The following MYBL2 variants were observed in gnomAD, a reference collection of about 807,000 sequenced individuals.
The protein encoded by MYBL2 is myb-related protein B.
In MYBL2, 28 loss-of-function variants were observed where a neutral mutation model predicts 79.9. The observed-to-expected ratio is 0.35, with a 90% CI of 0.26 to 0.48. MYBL2 has a LOEUF of 0.48. MYBL2 is among the 20% of genes least tolerant of loss of function. The pLI is 0.99. For synonymous variants in MYBL2, 378 were observed against 361.2 expected (o/e 1.05, Z -0.53); for missense variants, 735 against 893.9 (o/e 0.82, Z 2.27).
Position 43,667,177 on chromosome 20 carries a change from C to G in MYBL2, c.-107C>G. 1.4e-6 allele frequency: 1 copy of G among 734,430 alleles called. No homozygotes were observed. Among genetic ancestry groups the G allele is most frequent in the Non-Finnish European group, 1.8e-6 (1 of 560,904 alleles). The allele number at this position is 734,430 out of a possible 1,614,324, so 45.5% of individuals were successfully genotyped here. On this transcript the variant is annotated 5_prime_UTR_variant, in exon 1 of 14. Coordinates refer to ENST00000217026, the MANE Select transcript of MYBL2 (RefSeq NM_002466.4). Reference sequence around the variant, plus strand: ...GACACGCTGACGCCTTCGAGCGCGGCCCGGGGCCCGGAGCGGCCGGAGCAG... The same window carrying G: ...GACACGCTGACGCCTTCGAGCGCGGGCCGGGGCCCGGAGCGGCCGGAGCAG...
intron 1 of MYBL2, among the ~76,000 whole-genome samples, chr20:43,671,839 CT>C (rs1986865283): frequency 6.6e-6 from 1 of 150,834 alleles, no homozygotes; most frequent in African/African-American, 2.4e-5. Context: ...GGAAGATTGC[CT>C]TGTAGAGTAA....
chr20:43,715,877 A>G lies in MYBL2; in HGVS notation c.1975-82A>G, dbSNP rs759167703. On this transcript the variant is annotated intron_variant, in intron 13 of 13. Transcript: ENST00000217026. The stretch of plus-strand genomic sequence containing the variant: ...CTAGGGGAGGGAGGCTTATAACTCT[A>G]CCCTTCCCTGGCCAGGATCACCAGG... 13 of 1,499,084 alleles carry G rather than the reference A, an allele frequency of 8.7e-6. No individual in the cohort carries two copies. The Admixed American group carries it at 1.3e-4, about 15-fold the overall frequency. 92.9% of individuals were successfully genotyped at this position (1,499,084 alleles called of 1,614,324 possible).
chr20:43,674,006 C>T (rs1039489571), intron 2 of MYBL2, 107 bp downstream of exon 2: 78 of 995,228 alleles, frequency 7.8e-5, no homozygotes, highest in African/African-American at 8.1e-5. Flanking sequence ...GAGGAGGAGC[C>T]GGTGAAGGAA....
At chr20:43,695,538 C>T (rs1987516348) in intron 6 of MYBL2, among the ~76,000 whole-genome samples, 1 of 152,154 alleles carries the variant, frequency 6.6e-6, no homozygotes, top group Admixed American at 6.6e-5. Flanking sequence ...TAGAGATGGA[C>T]AAATATATTT....
Position 43,715,266 on chromosome 20 carries a change from T to C in MYBL2, c.1957T>C (p.Phe653Leu), listed in dbSNP as rs1177421488. 1.9e-6 allele frequency: 3 copies of C among 1,614,210 alleles called. No homozygotes were observed. The highest frequency in any genetic ancestry group is 1.1e-5 in the South Asian group (1 of 91,078). ...AGTGGCCCAGAAGCCCCGAAGCCACTTCACGACACCTGCCCCTGTGAGTGC... is the reference window on the plus strand; with the variant it reads ...AGTGGCCCAGAAGCCCCGAAGCCACCTCACGACACCTGCCCCTGTGAGTGC... ...AAVAQKPRSHFTTPAPMSSAW... is the reference protein window; with the variant it reads ...AAVAQKPRSHLTTPAPMSSAW... The change falls in exon 13 of 14, where the codon TTC (phenylalanine) becomes CTC (leucine). Residue 653 changes from phenylalanine to leucine, a missense_variant. Phe to Leu is a conservative substitution (Grantham distance 22). Transcript: ENST00000217026.
At chr20:43,680,897 G>C (rs1987126831) in intron 2 of MYBL2, among the ~76,000 whole-genome samples, 1 of 152,128 alleles carries the variant, frequency 6.6e-6, no homozygotes, top group South Asian at 2.1e-4. Flanking sequence ...GCACAGCCGG[G>C]CTATAGGACA....
chr20:43,702,847 A>G lies in MYBL2; in HGVS notation c.1309A>G (p.Asn437Asp), dbSNP rs1325560725. The G allele has an allele frequency of 6.2e-7, 1 of 1,612,752 alleles. No individual in the cohort carries two copies. The highest frequency in any genetic ancestry group is 1.3e-5 in the African/African-American group (1 of 75,028). ...STSLSFLDSC[N>D]SLTPKSTPVK... The stretch of plus-strand genomic sequence containing the variant: ...CAGTCTGTCCTTCCTGGATTCCTGT[A>G]ACAGCCTCACGCCCAAGAGCACACC... The change falls in exon 8 of 14, where the codon AAC becomes GAC. Residue 437 changes from asparagine (N) to aspartate (D), a missense_variant. Physicochemically the swap from Asn to Asp is conservative, Grantham distance 23. Transcript: ENST00000217026.
chr20:43,685,991 C>A (rs866435826), intron 4 of MYBL2, among the ~76,000 whole-genome samples: 28 of 152,070 alleles, frequency 1.8e-4, no homozygotes, highest in African/African-American at 6.8e-4. Flanking sequence ...GAGCCAAGAT[C>A]GTGCCATTGC....
chr20:43,711,413 G>A, intron 10 of MYBL2, 75 bp from the exon 11 acceptor site: 1 of 1,161,806 alleles, frequency 8.6e-7, no homozygotes, highest in Non-Finnish European at 1.2e-6. Context: ...GTTGCAGCTG[G>A]GTTGGTCCCA....
At chr20:43,680,943 T>C in intron 2 of MYBL2, among the ~76,000 whole-genome samples, 1 of 152,172 alleles carries the variant, frequency 6.6e-6, no homozygotes, top group East Asian at 1.9e-4. Context: ...TGCCCCCCTT[T>C]GCTGTTCATC....
intron 4 of MYBL2, among the ~76,000 whole-genome samples, chr20:43,684,633 C>G (rs1256304373): frequency 6.6e-6 from 1 of 151,478 alleles, no homozygotes; most frequent in Non-Finnish European, 1.5e-5. Flanking sequence ...GCCTTGGCCT[C>G]CCAAAGTTCT....
intron 4 of MYBL2, among the ~76,000 whole-genome samples, chr20:43,684,978 C>T (rs1396494542): frequency 6.6e-6 from 1 of 151,394 alleles, no homozygotes; most frequent in Admixed American, 6.6e-5. Context: ...GAAACCCCGT[C>T]TCTACTAAAA....
intron 4 of MYBL2, 81 bp downstream of exon 4, chr20:43,682,967 G>A: frequency 3.0e-6 from 4 of 1,347,278 alleles, no homozygotes; most frequent in Non-Finnish European, 3.2e-6. Context: ...GCCTTGTGTT[G>A]GGGTTGGGGG....
At chr20:43,698,126 A>G (rs1410676496) in intron 6 of MYBL2, among the ~76,000 whole-genome samples, 5 of 126,506 alleles carry the variant, frequency 4.0e-5, no homozygotes, top group Non-Finnish European at 6.6e-5. Context: ...TAAGGATGCT[A>G]CTCCTTTATC....
chr20:43,687,983 G>T (rs1343541070), intron 5 of MYBL2, among the ~76,000 whole-genome samples: 2 of 141,766 alleles, frequency 1.4e-5, no homozygotes, highest in African/African-American at 2.6e-5. Context: ...CTGCACTCCA[G>T]CCTGGGCGAC....
chr20:43,692,576 G>T (rs558775758), intron 6 of MYBL2, among the ~76,000 whole-genome samples: 1 of 152,252 alleles, frequency 6.6e-6, no homozygotes, highest in South Asian at 2.1e-4. Context: ...CTCCTTGCTG[G>T]TGGCCACCTT....
chr20:43,670,969 CT>C (rs1173103459), intron 1 of MYBL2, among the ~76,000 whole-genome samples: 113 of 22,228 alleles, frequency 5.1e-3, no homozygotes, highest in African/African-American at 8.4e-3. Flanking sequence ...TCTTTTTTTT[CT>C]TTTTTTTTTT....
intron 4 of MYBL2, among the ~76,000 whole-genome samples, chr20:43,684,563 A>G (rs1600548445): frequency 6.9e-6 from 1 of 145,850 alleles, no homozygotes; most frequent in African/African-American, 2.6e-5. Flanking sequence ...ATTTGTAGAG[A>G]CAGGGTCTTC....
chr20:43,688,097 T>C (rs973839095), intron 5 of MYBL2, among the ~76,000 whole-genome samples: 3 of 152,122 alleles, frequency 2.0e-5, no homozygotes, highest in Non-Finnish European at 4.4e-5. Flanking sequence ...TTTTGCTTCA[T>C]TTTCTAGGAG....
Sources: allele counts gnomAD v4.1 joint callset (sites outside exome capture counted in the v4.1 genomes callset), GRCh38; gene constraint gnomAD v4.1.1; transcripts MANE v1.5; gene names NCBI Gene and HGNC (gene_info 2026-07-23, HGNC 2026-07-21).